CNTN6: variants seen among roughly 807,000 people sequenced by gnomAD.
CNTN6 encodes contactin 6.
A neutral mutation model predicts 122.8 loss-of-function variants in CNTN6; 137 were observed. That is an observed-to-expected ratio of 1.12 (90% CI 0.97 to 1.29). The LOEUF is 1.29. Among genes scored for constraint, CNTN6 ranks in the 50% most tolerant of loss-of-function variants. The pLI is 0.00. For missense variants in CNTN6, 1,634 were observed against 1,223.4 expected, an observed-to-expected ratio of 1.34 and a Z score of -5.01; for synonymous variants, 570 against 426.0, an observed-to-expected ratio of 1.34 and a Z score of -4.16.
At chr3:1,336,448 A>G (rs1559860160) in intron 11 of CNTN6, among the ~76,000 whole-genome samples, 1 of 152,172 alleles carries the variant, frequency 6.6e-6, no homozygotes, top group South Asian at 2.1e-4. Context: ...AACTGACTCA[A>G]TTACAGAGAT....
rs1206034388 is a variant in CNTN6 at position 1,372,701 on chromosome 3, C to T, written c.1669-137C>T. ...GGGGGATAATAAAAGGGTTTAGATA[C>T]AAGAAATGACAATGATACTAGTATA... is the stretch of plus-strand genomic sequence containing the variant. On this transcript the variant is annotated intron_variant, in intron 13 of 22. Transcript: ENST00000446702. The T allele has an allele frequency of 1.0e-5, 7 of 680,206 alleles. 1 individual carries two copies. The highest frequency in any genetic ancestry group is 6.1e-5 in the South Asian group (3 of 49,406). 42.1% of individuals were successfully genotyped at this position (680,206 alleles called of 1,614,324 possible).
intron 11 of CNTN6, among the ~76,000 whole-genome samples, chr3:1,351,653 C>T (rs1356965150): frequency 1.3e-5 from 2 of 150,930 alleles, no homozygotes; most frequent in Admixed American, 6.6e-5. Context: ...ATGGGAACTT[C>T]TTTGGCAGAT....
intron 8 of CNTN6, among the ~76,000 whole-genome samples, chr3:1,322,326 G>A (rs544570140): frequency 6.6e-6 from 1 of 151,724 alleles, no homozygotes; most frequent in South Asian, 2.1e-4. Flanking sequence ...TTAAAATTAT[G>A]TTTGTCTCAG....
At chr3:1,281,919 A>T (rs1414487970) in intron 5 of CNTN6, among the ~76,000 whole-genome samples, 1 of 152,120 alleles carries the variant, frequency 6.6e-6, no homozygotes, top group Non-Finnish European at 1.5e-5. Context: ...CACATAAATT[A>T]TACAAAACTT....
At chr3:1,384,792 T>TACAC (rs1478251803) in intron 19 of CNTN6, among the ~76,000 whole-genome samples, 21 of 111,784 alleles carry the variant, frequency 1.9e-4, no homozygotes, top group African/African-American at 7.1e-4. Flanking sequence ...TATATATATA[T>TACAC]ATATACACAC....
At chr3:1,320,486 G>C (rs1456459439) in intron 7 of CNTN6, among the ~76,000 whole-genome samples, 1 of 151,742 alleles carries the variant, frequency 6.6e-6, no homozygotes, top group East Asian at 1.9e-4. Flanking sequence ...CACTTTGCAT[G>C]TAGTTGGATG....
intron 6 of CNTN6, among the ~76,000 whole-genome samples, chr3:1,296,030 G>A (rs372642950): frequency 5.3e-5 from 8 of 152,270 alleles, no homozygotes; most frequent in African/African-American, 1.9e-4. Flanking sequence ...TTCTGGCATT[G>A]AAACAGCTTG....
intron 20 of CNTN6, among the ~76,000 whole-genome samples, chr3:1,396,155 A>G (rs903170955): frequency 6.6e-6 from 1 of 152,298 alleles, no homozygotes; most frequent in East Asian, 1.9e-4. Flanking sequence ...ATCTTTCACA[A>G]TGTGTCTCAA....
intron 10 of CNTN6, among the ~76,000 whole-genome samples, chr3:1,328,643 A>G (rs1295381887): frequency 6.6e-6 from 1 of 151,814 alleles, no homozygotes; most frequent in East Asian, 1.9e-4. Flanking sequence ...TGACAAGTTG[A>G]ACATAACCTA....
At chr3:1,215,480 T>A (rs906038623) in intron 2 of CNTN6, among the ~76,000 whole-genome samples, 3 of 152,244 alleles carry the variant, frequency 2.0e-5, no homozygotes, top group African/African-American at 7.2e-5. Flanking sequence ...GTTGCCTGGG[T>A]TACAGTTTGC....
At chr3:1,265,972 T>C (rs920716796) in intron 4 of CNTN6, among the ~76,000 whole-genome samples, 9 of 151,986 alleles carry the variant, frequency 5.9e-5, no homozygotes, top group African/African-American at 7.3e-5. Flanking sequence ...TCATCACAAA[T>C]AGAACAAAAC....
At chr3:1,385,216 T>G (rs1435321211) in intron 19 of CNTN6, among the ~76,000 whole-genome samples, 5 of 152,142 alleles carry the variant, frequency 3.3e-5, no homozygotes, top group Non-Finnish European at 5.9e-5. Context: ...TAACCTGTGA[T>G]TCAAATAACT....
At chr3:1,157,116 A>G (rs1041187858) in intron 2 of CNTN6, among the ~76,000 whole-genome samples, 1 of 151,966 alleles carries the variant, frequency 6.6e-6, no homozygotes, top group African/African-American at 2.4e-5. Flanking sequence ...TGCAATGCAT[A>G]ATCGCAATAG....
At chr3:1,186,920 A>T (rs563001764) in intron 2 of CNTN6, among the ~76,000 whole-genome samples, 5 of 152,088 alleles carry the variant, frequency 3.3e-5, no homozygotes, top group Non-Finnish European at 7.4e-5. Flanking sequence ...ATACAGATAG[A>T]AAGGAAGTCT....
At chr3:1,310,087 T>G (rs1332324211) in intron 7 of CNTN6, among the ~76,000 whole-genome samples, 1 of 144,046 alleles carries the variant, frequency 6.9e-6, no homozygotes, top group Non-Finnish European at 1.5e-5. Context: ...ATTTCCTTCT[T>G]TTCAATCTAT....
At chr3:1,326,839 G>C (rs1162290336) in intron 9 of CNTN6, among the ~76,000 whole-genome samples, 1 of 151,790 alleles carries the variant, frequency 6.6e-6, no homozygotes, top group Non-Finnish European at 1.5e-5. Flanking sequence ...CTAGAGGATG[G>C]TAATACATGC....
chr3:1,391,862 C>T (rs1245660733), intron 20 of CNTN6, among the ~76,000 whole-genome samples: 2 of 151,940 alleles, frequency 1.3e-5, no homozygotes, highest in Non-Finnish European at 2.9e-5. Context: ...TGTGAAGGAC[C>T]TCTTCAAGGA....
chr3:1,377,317 T>C (rs1276039146), intron 17 of CNTN6, among the ~76,000 whole-genome samples: 3 of 152,164 alleles, frequency 2.0e-5, no homozygotes, highest in African/African-American at 7.2e-5. Context: ...TCAGTATCTA[T>C]TGAGCGTGTG....
intron 2 of CNTN6, among the ~76,000 whole-genome samples, chr3:1,192,763 C>T (rs1327860631): frequency 1.3e-5 from 2 of 152,096 alleles, no homozygotes; most frequent in Admixed American, 1.3e-4. Context: ...TACAGAAAGC[C>T]TTAAAACTGC....
Sources: allele counts gnomAD v4.1 joint callset (sites outside exome capture counted in the v4.1 genomes callset), GRCh38; gene constraint gnomAD v4.1.1; transcripts MANE v1.5; gene names NCBI Gene and HGNC (gene_info 2026-07-23, HGNC 2026-07-21).